Variants in PRDM16 observed in about 807,000 individuals in gnomAD.
The protein encoded by PRDM16 is histone-lysine N-methyltransferase PRDM16.
A neutral mutation model predicts 110.6 loss-of-function variants in PRDM16; 23 were observed. The observed-to-expected ratio is 0.21, with a 90% CI of 0.15 to 0.29. The LOEUF (loss-of-function observed/expected upper bound fraction) is 0.29. Ranked by LOEUF, PRDM16 falls within the 10% of genes least tolerant of loss-of-function variation. PRDM16 has a pLI of 1.00. For missense variants in PRDM16, 1,615 were observed against 1,794.3 expected, an observed-to-expected ratio of 0.90 and a Z score of 1.81; for synonymous variants, 799 against 781.8, an observed-to-expected ratio of 1.02 and a Z score of -0.37.
At chr1:3,114,231 ACACG>A (rs1642878280) in intron 1 of PRDM16, among the ~76,000 whole-genome samples, 1 of 138,400 alleles carries the variant, frequency 7.2e-6, no homozygotes, top group Non-Finnish European at 1.5e-5. Flanking sequence ...ACACACGCAC[ACACG>A]CAGTGTAAAC....
chr1:3,383,857 G>T lies in PRDM16; in HGVS notation c.439-1295G>T, dbSNP rs1362960483. On this transcript the variant is annotated intron_variant, in intron 3 of 16. Transcript: ENST00000270722. ...GACACACCTGCCTAAGGACACACCT[G>T]CCCACCAGGACACACCTGCAGAAGG... 2.5e-4 allele frequency among the ~76,000 whole-genome samples: 38 copies of T among 150,738 alleles called. 1 individual carries two copies. Among genetic ancestry groups the T allele is most frequent in the Admixed American group, 2.5e-3 (38 of 15,134 alleles).
intron 1 of PRDM16, among the ~76,000 whole-genome samples, chr1:3,152,734 CT>C (rs1188162863): frequency 6.6e-6 from 1 of 152,208 alleles, no homozygotes; most frequent in Non-Finnish European, 1.5e-5. Flanking sequence ...GCCAGGTCCC[CT>C]GGGGAGGGCT....
At position 3,206,344 on chromosome 1, in the gene PRDM16, T is replaced by C. The variant is rs1638752537; in HGVS notation, c.387+19870T>C. ...AGCAAGCTCTCGTGTATTTGCTGTGTGTGCAACACGGGGTTCCTCTCGGGG... is the reference window on the plus strand; with the variant it reads ...AGCAAGCTCTCGTGTATTTGCTGTGCGTGCAACACGGGGTTCCTCTCGGGG... On this transcript the variant is annotated intron_variant, in intron 2 of 16. Transcript: ENST00000270722. This position sits in a 1 kb window ranked among gnomAD's most constrained non-coding sequence, Gnocchi z 4.9. 1 of 152,236 alleles carries C rather than the reference T, an allele frequency of 6.6e-6. No homozygotes were observed. The highest frequency in any genetic ancestry group is 1.5e-5 in the Non-Finnish European group (1 of 68,054). The allele number at this position is 152,236 out of a possible 1,614,324, so 9.4% of individuals were successfully genotyped here. A position where few individuals can be genotyped will look rare whatever the true frequency, so the allele number is the denominator to read the frequency against.
rs144454344 is a variant in PRDM16, at chr1:3,264,248, A to C, written c.438+20111A>C. On this transcript the variant is annotated intron_variant, in intron 3 of 16. Transcript: ENST00000270722. ...CTGCGGAGGGGCCTTAAGGGAGTCCATGAGGCTGAGCCGGAGCAGGATATG... is the reference window on the plus strand; with the variant it reads ...CTGCGGAGGGGCCTTAAGGGAGTCCCTGAGGCTGAGCCGGAGCAGGATATG... Among the ~76,000 whole-genome samples the C allele has an allele frequency of 7.1e-3, 1,086 of 152,334 alleles. 11 individuals carry two copies. The highest frequency in any genetic ancestry group is 0.025 in the African/African-American group (1,035 of 41,582).
In PRDM16 at chr1:3,265,655, C is replaced by G. The variant is rs1640268160; in HGVS notation, c.438+21518C>G. Among the ~76,000 whole-genome samples, 1 of 152,000 alleles carries G rather than the reference C, an allele frequency of 6.6e-6. No individual in the cohort carries two copies. The highest frequency in any genetic ancestry group is 2.4e-5 in the African/African-American group (1 of 41,358). ...GGAGCTCCTAAAATTGCAGCCAAGG[C>G]CAGCCCTCTTGCCCCGGGGCTGCCT... is the stretch of plus-strand genomic sequence containing the variant. On this transcript the variant is annotated intron_variant, in intron 3 of 16. Coordinates refer to ENST00000270722, the MANE Select transcript of PRDM16 (RefSeq NM_022114.4). The surrounding 1 kb of genome is among the most constrained non-coding windows in gnomAD (Gnocchi z 4.5).
chr1:3,104,179 G>A (rs543358682), intron 1 of PRDM16, among the ~76,000 whole-genome samples: 57 of 152,330 alleles, frequency 3.7e-4, no homozygotes, highest in Middle Eastern at 3.4e-3. Flanking sequence ...GAGCCTGCAT[G>A]CTTGCTCCCT....
rs994208230 is a variant in PRDM16 at position 3,080,383 on chromosome 1, C to T, written c.37+11087C>T. Among the ~76,000 whole-genome samples the T allele has an allele frequency of 2.6e-5, 4 of 152,304 alleles. No individual in the cohort carries two copies. Among genetic ancestry groups the T allele is most frequent in the Admixed American group, 6.5e-5 (1 of 15,304 alleles). On this transcript the variant is annotated intron_variant, in intron 1 of 16. Transcript: ENST00000270722. The surrounding 1 kb of genome is among the most constrained non-coding windows in gnomAD (Gnocchi z 5.2). Reference sequence around the variant, plus strand: ...AAGCACCGGGGATTTACGGCCGACCCGCGCTTTCCGATCGGTTTCTCTACC... The same window carrying T: ...AAGCACCGGGGATTTACGGCCGACCTGCGCTTTCCGATCGGTTTCTCTACC...
intron 1 of PRDM16, among the ~76,000 whole-genome samples, chr1:3,144,664 C>T (rs953001224): frequency 1.5e-4 from 23 of 152,190 alleles, no homozygotes; most frequent in African/African-American, 2.2e-4. Flanking sequence ...GAAACCAAGG[C>T]GTGGGGGCTT....
At chr1:3,322,122 C>A (rs1239256889) in intron 3 of PRDM16, among the ~76,000 whole-genome samples, 1 of 149,240 alleles carries the variant, frequency 6.7e-6, no homozygotes, top group East Asian at 2.0e-4. Context: ...GTGATATGCA[C>A]AATGTGTGGG....
intron 3 of PRDM16, among the ~76,000 whole-genome samples, chr1:3,289,951 A>G (rs960094589): frequency 6.3e-5 from 9 of 143,332 alleles, no homozygotes; most frequent in Admixed American, 2.7e-4. Context: ...CCAGACCTCA[A>G]TCCCTCCAGG....
At chr1:3,150,812 C>T (rs1643760039) in intron 1 of PRDM16, among the ~76,000 whole-genome samples, 2 of 150,544 alleles carry the variant, frequency 1.3e-5, no homozygotes, top group South Asian at 4.2e-4. Flanking sequence ...GTCTCTGAAG[C>T]CCATGGGAGT....
intron 1 of PRDM16, among the ~76,000 whole-genome samples, chr1:3,094,364 G>A (rs1570239803): frequency 6.6e-6 from 1 of 152,334 alleles, no homozygotes; most frequent in African/African-American, 2.4e-5. Flanking sequence ...CGAGTTAAGT[G>A]CAGCCACATC....
intron 1 of PRDM16, among the ~76,000 whole-genome samples, chr1:3,111,344 A>G (rs1363541562): frequency 2.0e-5 from 3 of 151,518 alleles, no homozygotes; most frequent in Admixed American, 1.3e-4. Flanking sequence ...GGCAGGATGG[A>G]CAAGAGTCTC....
chr1:3,266,519 T>G (rs997731943), intron 3 of PRDM16, among the ~76,000 whole-genome samples: 2 of 152,168 alleles, frequency 1.3e-5, no homozygotes, highest in Non-Finnish European at 2.9e-5. Flanking sequence ...GTTGGAGGCA[T>G]TGCTGCTCCG....
intron 2 of PRDM16, among the ~76,000 whole-genome samples, chr1:3,232,606 C>T (rs766731544): frequency 1.4e-4 from 21 of 152,082 alleles, no homozygotes; most frequent in South Asian, 4.1e-4. Flanking sequence ...GCATGACAAG[C>T]GAGGATGAGA....
intron 3 of PRDM16, among the ~76,000 whole-genome samples, chr1:3,269,552 AGACAGTCCCAGAGGAG>A (rs1640380330): frequency 7.7e-6 from 1 of 130,488 alleles, no homozygotes; most frequent in South Asian, 2.6e-4. Context: ...CAGTCCTGGA[AGACAGTCCCAGAGGAG>A]GACAGTCCCG....
chr1:3,297,314 C>T (rs953589107), intron 3 of PRDM16, among the ~76,000 whole-genome samples: 4 of 143,708 alleles, frequency 2.8e-5, no homozygotes, highest in Admixed American at 6.9e-5. Context: ...GACAGAATCT[C>T]GCTCTGTCAC....
intron 3 of PRDM16, among the ~76,000 whole-genome samples, chr1:3,349,566 G>A (rs1439775916): frequency 2.6e-5 from 4 of 152,164 alleles, no homozygotes; most frequent in Non-Finnish European, 5.9e-5. Flanking sequence ...CTTGTCCCGG[G>A]GCAGCTGACC....
chr1:3,111,805 C>T (rs1333934055), intron 1 of PRDM16, among the ~76,000 whole-genome samples: 4 of 152,232 alleles, frequency 2.6e-5, no homozygotes, highest in Non-Finnish European at 5.9e-5. Context: ...GCTGCCTATT[C>T]TCCTTCCCCG....
Sources: allele counts gnomAD v4.1 joint callset (sites outside exome capture counted in the v4.1 genomes callset), GRCh38; gene constraint gnomAD v4.1.1; non-coding constraint Gnocchi (gnomAD v3.1); transcripts MANE v1.5; gene names NCBI Gene and HGNC (gene_info 2026-07-23, HGNC 2026-07-21).